Variants in FOCAD observed in about 807,000 individuals in gnomAD.
FOCAD encodes focadhesin.
In FOCAD, 198 loss-of-function variants were observed where a neutral mutation model predicts 225.6. The ratio of observed to expected loss-of-function variants is 0.88; its 90% CI spans 0.78 to 0.99. FOCAD has a LOEUF of 0.99. FOCAD is among the 50% of genes least tolerant of loss of function. FOCAD has a pLI of 0.00. For synonymous variants in FOCAD, 897 were observed against 755.0 expected (o/e 1.19, Z -3.08); for missense variants, 2,713 against 2,123.6 (o/e 1.28, Z -5.46).
intron 11 of FOCAD, among the ~76,000 whole-genome samples, chr9:20,813,633 T>C (rs1269272639): frequency 6.6e-6 from 1 of 152,172 alleles, no homozygotes; most frequent in Non-Finnish European, 1.5e-5. Context: ...TGTTAAGACT[T>C]GTTTTGTGAT....
chr9:20,666,448 T>C lies in FOCAD; in HGVS notation c.-78+7622T>C, dbSNP rs1387527500. On this transcript the variant is annotated intron_variant, in intron 2 of 45. Transcript: ENST00000380249. ...AGCTGGAAGTGGTGGTGCATGCTTGTAGTCCCACCTACTTGGGAGGCTGAG... is the reference window on the plus strand; with the variant it reads ...AGCTGGAAGTGGTGGTGCATGCTTGCAGTCCCACCTACTTGGGAGGCTGAG... Among the ~76,000 whole-genome samples the C allele has an allele frequency of 2.0e-5, 3 of 152,178 alleles. No individual in the cohort carries two copies. The East Asian group carries it at 5.8e-4, about 29-fold the overall frequency.
intron 28 of FOCAD, among the ~76,000 whole-genome samples, chr9:20,935,144 T>C (rs1835835645): frequency 6.6e-6 from 1 of 152,218 alleles, no homozygotes; most frequent in South Asian, 2.1e-4. Flanking sequence ...TGGAGAAATA[T>C]TTGTAGAATG....
At chr9:20,810,781 A>T (rs1461833833) in intron 11 of FOCAD, among the ~76,000 whole-genome samples, 1 of 152,094 alleles carries the variant, frequency 6.6e-6, no homozygotes, top group African/African-American at 2.4e-5. Flanking sequence ...AGTTTAGGCC[A>T]GGAAGGGTCG....
intron 33 of FOCAD, among the ~76,000 whole-genome samples, chr9:20,950,180 G>A (rs968622529): frequency 3.3e-5 from 5 of 151,826 alleles, no homozygotes; most frequent in South Asian, 2.1e-4. Context: ...TTGAAAGCAC[G>A]TAATGAAAGA....
intron 5 of FOCAD, among the ~76,000 whole-genome samples, chr9:20,756,759 A>G (rs1829089397): frequency 6.6e-6 from 1 of 152,224 alleles, no homozygotes; most frequent in Non-Finnish European, 1.5e-5. Flanking sequence ...ATCACCATGA[A>G]GGCAATCTTA....
chr9:20,713,074 G>A (rs1171081144), intron 1 of FOCAD, among the ~76,000 whole-genome samples: 1 of 152,026 alleles, frequency 6.6e-6, no homozygotes, highest in African/African-American at 2.4e-5. Flanking sequence ...CAGCCACATT[G>A]GCTTTCCCTT....
At chr9:20,757,281 T>C (rs1829142075) in intron 5 of FOCAD, among the ~76,000 whole-genome samples, 1 of 152,254 alleles carries the variant, frequency 6.6e-6, no homozygotes, top group African/African-American at 2.4e-5. Context: ...AAATAATAGC[T>C]AAAAATTGTA....
At chr9:20,892,566 T>A (rs901113547) in intron 21 of FOCAD, among the ~76,000 whole-genome samples, 2 of 152,034 alleles carry the variant, frequency 1.3e-5, no homozygotes, top group African/African-American at 2.4e-5. Context: ...GAATTAGAAG[T>A]AGAGCCTGAG....
At chr9:20,680,964 C>T (rs1283105443), upstream of FOCAD, among the ~76,000 whole-genome samples, 1 of 152,098 alleles carries the variant, frequency 6.6e-6, no homozygotes, top group African/African-American at 2.4e-5. Flanking sequence ...TGTCACTGTA[C>T]CCCAGCTTGT....
intron 11 of FOCAD, among the ~76,000 whole-genome samples, chr9:20,809,405 T>C (rs962253100): frequency 5.3e-5 from 8 of 152,150 alleles, no homozygotes; most frequent in Non-Finnish European, 1.0e-4. Context: ...CGTATTTAAT[T>C]TTAGTTAATT....
chr9:20,769,225 G>T (rs751200002), intron 7 of FOCAD, among the ~76,000 whole-genome samples: 2 of 152,036 alleles, frequency 1.3e-5, no homozygotes, highest in Non-Finnish European at 2.9e-5. Flanking sequence ...TTCTCTCTGT[G>T]TATAACTAAT....
intron 21 of FOCAD, among the ~76,000 whole-genome samples, chr9:20,887,437 G>C (rs1831194844): frequency 6.6e-6 from 1 of 152,026 alleles, no homozygotes; most frequent in African/African-American, 2.4e-5. Flanking sequence ...GTTTTACCAT[G>C]TTGGCCAGGC....
chr9:20,762,930 A>C (rs1378212133), intron 6 of FOCAD, among the ~76,000 whole-genome samples: 1 of 152,200 alleles, frequency 6.6e-6, no homozygotes, highest in Non-Finnish European at 1.5e-5. Context: ...AGCATAATTT[A>C]AATACCGTTT....
intron 10 of FOCAD, among the ~76,000 whole-genome samples, chr9:20,783,509 G>T (rs909201409): frequency 6.6e-6 from 1 of 151,724 alleles, no homozygotes; most frequent in African/African-American, 2.4e-5. Flanking sequence ...TATGTCAGCT[G>T]CCTGAACTAT....
chr9:20,971,723 T>G (rs2132545901), intron 35 of FOCAD, among the ~76,000 whole-genome samples: 1 of 152,280 alleles, frequency 6.6e-6, no homozygotes, highest in South Asian at 2.1e-4. Flanking sequence ...CTTAGAAAAC[T>G]GAAACTCTAG....
At chr9:20,975,358 G>A (rs1840139233) in intron 35 of FOCAD, among the ~76,000 whole-genome samples, 1 of 152,152 alleles carries the variant, frequency 6.6e-6, no homozygotes, top group Non-Finnish European at 1.5e-5. Flanking sequence ...ATGGTACTAT[G>A]TCATAGGCAG....
At chr9:20,993,599 T>C (rs1841846889) in intron 43 of FOCAD, among the ~76,000 whole-genome samples, 1 of 152,256 alleles carries the variant, frequency 6.6e-6, no homozygotes, top group Non-Finnish European at 1.5e-5. Flanking sequence ...TTTTATATAA[T>C]ATTTTTAGTA....
chr9:20,828,160 A>G (rs1173181365), intron 15 of FOCAD, among the ~76,000 whole-genome samples: 29 of 152,010 alleles, frequency 1.9e-4, no homozygotes. Flanking sequence ...CTCAAGAAAA[A>G]AAAAAAAAAG....
At chr9:20,882,518 T>C (rs184363794) in intron 20 of FOCAD, among the ~76,000 whole-genome samples, 1 of 152,096 alleles carries the variant, frequency 6.6e-6, no homozygotes, top group Admixed American at 6.5e-5. Context: ...AAAGACGAGC[T>C]AGGAGAATGG....
Sources: allele counts gnomAD v4.1 joint callset (sites outside exome capture counted in the v4.1 genomes callset), GRCh38; gene constraint gnomAD v4.1.1; transcripts MANE v1.5; gene names NCBI Gene and HGNC (gene_info 2026-07-23, HGNC 2026-07-21).